The following NME1 variants were observed in gnomAD, a reference collection of about 807,000 sequenced individuals.
NME1 encodes NME/NM23 nucleoside diphosphate kinase 1.
A neutral mutation model predicts 17.2 loss-of-function variants in NME1; 9 were observed. The ratio of observed to expected loss-of-function variants is 0.52; its 90% CI spans 0.32 to 0.92. The LOEUF is 0.92. Ranked by LOEUF, NME1 falls within the 40% of genes least tolerant of loss-of-function variation. NME1 has a pLI of 0.04. For missense variants in NME1, 169 were observed against 201.7 expected, an observed-to-expected ratio of 0.84 and a Z score of 0.98; for synonymous variants, 72 against 70.8, an observed-to-expected ratio of 1.02 and a Z score of -0.09.
intron 2 of NME1, among the ~76,000 whole-genome samples, chr17:51,159,142 G>A (rs1261630678): frequency 1.3e-5 from 2 of 152,136 alleles, no homozygotes; most frequent in Non-Finnish European, 2.9e-5. Context: ...TTGTATTGTT[G>A]ATTTTCCTGT....
At chr17:51,154,737 C>A (rs1219739386) in intron 1 of NME1, among the ~76,000 whole-genome samples, 1 of 152,200 alleles carries the variant, frequency 6.6e-6, no homozygotes, top group Non-Finnish European at 1.5e-5. Context: ...TTCTCTAAAA[C>A]CCCTAATGCT....
chr17:51,154,508 T>G, intron 1 of NME1: 1 of 1,368,742 alleles, frequency 7.3e-7, no homozygotes, highest in Non-Finnish European at 1.0e-6. Flanking sequence ...CTCTCTAGGC[T>G]TCCTTTCAGT....
chr17:51,160,784 G>A (rs529201242), intron 3 of NME1, among the ~76,000 whole-genome samples: 3 of 152,002 alleles, frequency 2.0e-5, no homozygotes, highest in East Asian at 1.9e-4. Flanking sequence ...TAATCTTTTC[G>A]TATTTTTAGT....
chr17:51,159,976 A>G lies in NME1; in HGVS notation c.127-4A>G. 6.2e-7 allele frequency: 1 copy of G among 1,614,158 alleles called. No homozygotes were observed. ...TTATTCTCATTCTCTGTCCTGTTGA[A>G]TAGGCTTCCGAAGATCTTCTCAAGG... On this transcript the variant is annotated splice_region_variant and splice_polypyrimidine_tract_variant and intron_variant, in intron 2 of 4. Transcript: ENST00000393196.
In NME1 at chr17:51,159,923, G is replaced by A; in HGVS notation, c.127-57G>A. ...AGGGTGGATGAGGGGAAATTAAATG[G>A]ATTATATGTCCTTAGATGGTTTGGG... On this transcript the variant is annotated intron_variant, in intron 2 of 4. Coordinates refer to ENST00000393196, the MANE Select transcript of NME1 (RefSeq NM_000269.3). 4 of 1,601,012 alleles carry A rather than the reference G, an allele frequency of 2.5e-6. No homozygotes were observed. The South Asian group carries it at 3.3e-5, about 13-fold the overall frequency.
At chr17:51,154,291 G>A (rs1294929057) in intron 1 of NME1, 8 of 1,292,264 alleles carry the variant, frequency 6.2e-6, no homozygotes, top group Non-Finnish European at 1.1e-6. Context: ...AGGGGAGGCA[G>A]ACACACAAAC....
At chr17:51,161,018 G>T in intron 3 of NME1, 142 bp from the exon 4 acceptor site, 1 of 859,860 alleles carries the variant, frequency 1.2e-6, no homozygotes, top group Non-Finnish European at 1.9e-6. Context: ...GGAATAAGTG[G>T]ATATACTCTA....
At chr17:51,157,014 A>G (rs961912087) in intron 2 of NME1, among the ~76,000 whole-genome samples, 3 of 152,048 alleles carry the variant, frequency 2.0e-5, no homozygotes, top group African/African-American at 7.2e-5. Context: ...AAAAAAAAAA[A>G]AAGAATTCCA....
intron 1 of NME1, chr17:51,154,281 A>C: frequency 8.8e-7 from 1 of 1,133,952 alleles, no homozygotes; most frequent in Non-Finnish European, 1.3e-6. Context: ...CCTGGTGTGC[A>C]GGGGAGGCAG....
Position 51,155,663 on chromosome 17 carries a change from C to G in NME1, c.9C>G (p.Asn3Lys). The change falls in exon 2 of 5, where the codon AAC becomes AAG. Residue 3 changes from asparagine to lysine, a missense_variant. Physicochemically the swap from Asn to Lys is moderately conservative, Grantham distance 94 (BLOSUM62 0). Coordinates refer to ENST00000393196, the MANE Select transcript of NME1 (RefSeq NM_000269.3). MA[N>K]CERTFIAIKP... ...TGCCTATCCCCAGAACCATGGCCAA[C>G]TGTGAGCGTACCTTCATTGCGATCA... 1 of 1,614,020 alleles carries G rather than the reference C, an allele frequency of 6.2e-7. No homozygotes were observed. Among genetic ancestry groups the G allele is most frequent in the Non-Finnish European group, 8.5e-7 (1 of 1,179,916 alleles).
Position 51,161,885 on chromosome 17 carries a change from C to T in NME1, c.*40C>T. On this transcript the variant is annotated 3_prime_UTR_variant, in exon 5 of 5. Coordinates refer to ENST00000393196, the MANE Select transcript of NME1 (RefSeq NM_000269.3). Reference sequence around the variant, plus strand: ...ACATTGCTTTTCACATCCATTTCCCCTCCTTCCCATGGGCAGAGGACCAGG... The same window carrying T: ...ACATTGCTTTTCACATCCATTTCCCTTCCTTCCCATGGGCAGAGGACCAGG... 5.4e-6 allele frequency: 7 copies of T among 1,299,614 alleles called. No individual in the cohort carries two copies. The highest frequency in any genetic ancestry group is 2.3e-5 in the East Asian group (1 of 43,454). The allele number at this position is 1,299,614 out of a possible 1,614,324, so 80.5% of individuals were successfully genotyped here. A position where few individuals can be genotyped will look rare whatever the true frequency, so the allele number is the denominator to read the frequency against.
At chr17:51,156,124 A>G (rs966738565) in intron 2 of NME1, 1 of 331,224 alleles carries the variant, frequency 3.0e-6, no homozygotes, top group Non-Finnish European at 5.9e-6. Flanking sequence ...TTTTAGAGAG[A>G]TTTTTTTCCC....
At chr17:51,156,005 T>G in intron 2 of NME1, 2 of 483,240 alleles carry the variant, frequency 4.1e-6, no homozygotes, top group Non-Finnish European at 3.7e-6. Flanking sequence ...GGAGGTGCAT[T>G]GCTACGGGAA....
chr17:51,156,593 A>C (rs1423711845), intron 2 of NME1: 1 of 152,504 alleles, frequency 6.6e-6, no homozygotes, highest in Non-Finnish European at 1.5e-5. Flanking sequence ...AGGCTGAGAC[A>C]TAAGAATTGC....
chr17:51,154,115 C>T (rs2049747633), intron 1 of NME1: 6 of 495,810 alleles, frequency 1.2e-5, no homozygotes, highest in Non-Finnish European at 2.2e-5. Flanking sequence ...TGCCCCGCAC[C>T]CCATCGTGCG....
chr17:51,160,379 A>G, intron 3 of NME1: 1 of 448,428 alleles, frequency 2.2e-6, no homozygotes, highest in Non-Finnish European at 4.2e-6. Flanking sequence ...AATCACAGTG[A>G]AAAACATTTC....
At chr17:51,156,395 T>A (rs2049786321) in intron 2 of NME1, 1 of 162,718 alleles carries the variant, frequency 6.1e-6, no homozygotes, top group Non-Finnish European at 1.3e-5. Context: ...ATAATCCAAA[T>A]TCTCGGCTGG....
chr17:51,154,172 TGGAAGTTGCAGAA>T, intron 1 of NME1: 1 of 538,650 alleles, frequency 1.9e-6, no homozygotes, highest in Non-Finnish European at 3.4e-6. Context: ...TTTTTTTTTT[TGGAAGTTGCAGAA>T]TGGTGATAAA....
In NME1 at chr17:51,161,158, A is replaced by G. The variant is rs1430906242; in HGVS notation, c.229-2A>G. 6.2e-7 allele frequency: 1 copy of G among 1,608,232 alleles called. No homozygotes were observed. Among genetic ancestry groups the G allele is most frequent in the African/African-American group, 1.3e-5 (1 of 74,792 alleles). ...TGACCATATCTTCTTCTGTCCTTGG[A>G]GGTCTGGGAGGGGCTGAATGTGGTG... On this transcript the variant is annotated splice_acceptor_variant, in intron 3 of 4. Coordinates refer to ENST00000393196, the MANE Select transcript of NME1 (RefSeq NM_000269.3). LOFTEE classifies it high-confidence loss of function.
Sources: allele counts gnomAD v4.1 joint callset (sites outside exome capture counted in the v4.1 genomes callset), GRCh38; gene constraint gnomAD v4.1.1; transcripts MANE v1.5; gene names NCBI Gene and HGNC (gene_info 2026-07-23, HGNC 2026-07-21).